Variants in GLUL observed in about 807,000 individuals in gnomAD.
GLUL encodes the protein glutamine synthetase.
GLUL carries 8 observed loss-of-function variants against 36.9 expected under a neutral mutation model. The ratio of observed to expected loss-of-function variants is 0.22; its 90% CI spans 0.13 to 0.39. GLUL has a LOEUF of 0.39. Among genes scored for constraint, GLUL ranks in the 10% least tolerant of loss-of-function variants. The pLI, the probability that GLUL is intolerant of heterozygous loss-of-function variation, is 1.00. For synonymous variants in GLUL, 182 were observed against 172.8 expected (o/e 1.05, Z -0.42); for missense variants, 315 against 501.8 (o/e 0.63, Z 3.56).
chr1:182,388,837 A>G (rs1460497435), intron 1 of GLUL, 87 bp from the exon 2 acceptor site: 1 of 1,008,390 alleles, frequency 9.9e-7, no homozygotes, highest in African/African-American at 1.6e-5. Context: ...GACTGAATCA[A>G]AAGTCAGAGT....
intron 1 of GLUL, chr1:182,390,700 A>C: frequency 2.5e-6 from 1 of 398,940 alleles, no homozygotes; most frequent in African/African-American, 2.1e-5. Context: ...TTAAGGTCTT[A>C]ATCTTGACTC....
rs1406546982 is a variant in GLUL at position 182,380,030 on chromosome 1, G to A, written c.*4375C>T. 1.3e-5 allele frequency among the ~76,000 whole-genome samples: 2 copies of A among 150,938 alleles called. No individual in the cohort carries two copies. Among genetic ancestry groups the A allele is most frequent in the Non-Finnish European group, 3.0e-5 (2 of 67,794 alleles). On this transcript the variant is annotated 3_prime_UTR_variant, in exon 7 of 7. Transcript: ENST00000331872. ...CGGCTAATTTTTTGTATTTAGTAGA[G>A]ACACAGCTTGTTTCACCATATTGGC...
Position 182,387,154 on chromosome 1 carries a change from A to C in GLUL, c.305T>G (p.Phe102Cys), listed in dbSNP as rs377614330. 2 of 1,613,922 alleles carry C rather than the reference A, an allele frequency of 1.2e-6. No homozygotes were observed. Among genetic ancestry groups the C allele is most frequent in the Non-Finnish European group, 1.7e-6 (2 of 1,179,896 alleles). ...ACCTGCAGGCCTTCGATTGTACTTG[A>C]AAACTTCACATAACACCAGCTTGTT... Reference protein sequence around the residue: ...DPNKLVLCEVFKYNRRPAETN... With the variant: ...DPNKLVLCEVCKYNRRPAETN... The change falls in exon 3 of 7, where the codon TTC becomes TGC. Residue 102 changes from phenylalanine (F) to cysteine (C), a missense_variant. Phe to Cys is a radical substitution (Grantham distance 205). Coordinates refer to ENST00000331872, the MANE Select transcript of GLUL (RefSeq NM_001033044.4).
At chr1:182,389,778 A>C (rs1191115298) in intron 1 of GLUL, 1 of 152,264 alleles carries the variant, frequency 6.6e-6, no homozygotes, top group Non-Finnish European at 1.5e-5. Context: ...GACTAGGGCA[A>C]CGTTCTGAAG....
In GLUL at chr1:182,379,486, G is replaced by C. The variant is rs899350051; in HGVS notation, c.*4919C>G. Among the ~76,000 whole-genome samples the C allele has an allele frequency of 2.0e-5, 3 of 152,072 alleles. No individual in the cohort carries two copies. The highest frequency in any genetic ancestry group is 4.4e-5 in the Non-Finnish European group (3 of 68,030). ...GATCCACCTGCCTTGGCCTCCCAAAGTGCTAGGATTACAGGCTTGAGCCAC... is the reference window on the plus strand; with the variant it reads ...GATCCACCTGCCTTGGCCTCCCAAACTGCTAGGATTACAGGCTTGAGCCAC... On this transcript the variant is annotated 3_prime_UTR_variant, in exon 7 of 7. Transcript: ENST00000331872.
rs1650396315 is a variant in GLUL, at chr1:182,391,045, C to T, written c.-14+634G>A. The stretch of plus-strand genomic sequence containing the variant: ...GGGGGCGCAGGCCGTAGGGACTGCG[C>T]GCTGCTGCTGCCTCCGCCCGGACCG... On this transcript the variant is annotated intron_variant, in intron 1 of 6. Transcript: ENST00000331872. The T allele has an allele frequency of 1.3e-5, 5 of 397,112 alleles. No homozygotes were observed. The East Asian group carries it at 1.8e-4, about 14-fold the overall frequency. The allele number at this position is 397,112 out of a possible 1,614,324, so 24.6% of individuals were successfully genotyped here.
Position 182,385,478 on chromosome 1 carries a change from C to A in GLUL, c.682G>T (p.Val228Leu). 6.2e-7 allele frequency: 1 copy of A among 1,614,026 alleles called. No homozygotes were observed. Among genetic ancestry groups the A allele is most frequent in the East Asian group, 2.2e-5 (1 of 44,888 alleles). Residue 228 changes from valine (V) to leucine (L), a missense_variant, in exon 6 of 7, where the codon GTG becomes TTG. Physicochemically the swap from Val to Leu is conservative, Grantham distance 32. Coordinates refer to ENST00000331872, the MANE Select transcript of GLUL (RefSeq NM_001033044.4). ...GCTATCACTCCAAAGTCTTCACACA[C>A]ACGATGCAAGATGAAACGGGCCACC... The part of the protein sequence containing the change: ...LWVARFILHR[V>L]CEDFGVIATF...
Position 182,382,173 on chromosome 1 carries a change from G to A in GLUL, c.*2232C>T, listed in dbSNP as rs564315236. On this transcript the variant is annotated 3_prime_UTR_variant, in exon 7 of 7. Transcript: ENST00000331872. ...TAGTATTAATGCTATTAATAATATT[G>A]CACTCCAATGTGTCCAATAATTGCT... 8 of 152,214 alleles carry A rather than the reference G, an allele frequency of 5.3e-5. No individual in the cohort carries two copies. The South Asian group carries it at 1.7e-3, about 32-fold the overall frequency. The allele number at this position is 152,214 out of a possible 1,614,324, so 9.4% of individuals were successfully genotyped here.
At chr1:182,388,145 G>C (rs1044627051) in intron 2 of GLUL, among the ~76,000 whole-genome samples, 1 of 152,112 alleles carries the variant, frequency 6.6e-6, no homozygotes, top group African/African-American at 2.4e-5. Flanking sequence ...CCATTGTAGA[G>C]CATTTGCTTC....
At position 182,378,755 on chromosome 1, in the gene GLUL, T is replaced by C. The variant is rs527716949; in HGVS notation, c.*5650A>G. On this transcript the variant is annotated 3_prime_UTR_variant, in exon 7 of 7. Coordinates refer to ENST00000331872, the MANE Select transcript of GLUL (RefSeq NM_001033044.4). ...TATATTATGCATGTGTATGGACATA[T>C]ATCTGCATATTGTAAAATGAAATAG... Among the ~76,000 whole-genome samples, 6 of 152,224 alleles carry C rather than the reference T, an allele frequency of 3.9e-5. No homozygotes were observed. Among genetic ancestry groups the C allele is most frequent in the Non-Finnish European group, 8.8e-5 (6 of 68,038 alleles).
chr1:182,385,576 C>T lies in GLUL; in HGVS notation c.604-20G>A. 6.2e-7 allele frequency: 1 copy of T among 1,609,060 alleles called. No individual in the cohort carries two copies. Among genetic ancestry groups the T allele is most frequent in the Non-Finnish European group, 8.5e-7 (1 of 1,175,430 alleles). On this transcript the variant is annotated intron_variant, in intron 5 of 6. Transcript: ENST00000331872. Reference sequence around the variant, plus strand: ...TTCCCACTAGAAACGAGAAGCTTGGCCATTAAAACAAAGCTAACTGCTCAC... The same window carrying T: ...TTCCCACTAGAAACGAGAAGCTTGGTCATTAAAACAAAGCTAACTGCTCAC...
chr1:182,384,508 C>T lies in GLUL; in HGVS notation c.1019G>A (p.Arg340His). 1 of 1,613,986 alleles carries T rather than the reference C, an allele frequency of 6.2e-7. No individual in the cohort carries two copies. The highest frequency in any genetic ancestry group is 8.5e-7 in the Non-Finnish European group (1 of 1,179,908). The change falls in exon 7 of 7, where the codon CGT becomes CAT. Residue 340 changes from arginine to histidine, a missense_variant. Coordinates refer to ENST00000331872, the MANE Select transcript of GLUL (RefSeq NM_001033044.4). The part of the protein sequence containing the change: ...GQEKKGYFED[R>H]RPSANCDPFS... ...GGGGTCGCAGTTGGCAGAGGGGCGACGATCTTCAAAGTAACCCTTCTTCTC... is the reference window on the plus strand; with the variant it reads ...GGGGTCGCAGTTGGCAGAGGGGCGATGATCTTCAAAGTAACCCTTCTTCTC...
rs759986585 is a variant in GLUL, at chr1:182,390,215, ACT to A, written c.-14+1462_-14+1463del. On this transcript the variant is annotated intron_variant, in intron 1 of 6. Coordinates refer to ENST00000331872, the MANE Select transcript of GLUL (RefSeq NM_001033044.4). ...ACTCCAACCTGGGTAACAGATAGAG[ACT>A]CTGTCGGAAAACAAAAAAAAAAAAC... 71 of 246,480 alleles carry A rather than the reference ACT, an allele frequency of 2.9e-4. 1 individual carries two copies. The highest frequency in any genetic ancestry group is 1.1e-3 in the Middle Eastern group (1 of 896). 15.3% of individuals were successfully genotyped at this position (246,480 alleles called of 1,614,324 possible).
chr1:182,387,904 C>A (rs1336530343), intron 2 of GLUL, among the ~76,000 whole-genome samples: 1 of 152,138 alleles, frequency 6.6e-6, no homozygotes, highest in Non-Finnish European at 1.5e-5. Flanking sequence ...ACAATATAGG[C>A]TTTGTATTAT....
rs1345576822 is a variant in GLUL at position 182,383,165 on chromosome 1, GTT to G, written c.*1238_*1239del. On this transcript the variant is annotated 3_prime_UTR_variant, in exon 7 of 7. Transcript: ENST00000331872. ...GACATCAAGATACAAAATTACAAGT[GTT>G]TTGACTCCAGCCCTGTCCCCATCTC... 1 of 152,122 alleles carries G rather than the reference GTT, an allele frequency of 6.6e-6. No homozygotes were observed. Among genetic ancestry groups the G allele is most frequent in the African/African-American group, 2.4e-5 (1 of 41,430 alleles). 9.4% of individuals were successfully genotyped at this position (152,122 alleles called of 1,614,324 possible).
At chr1:182,388,451 G>A (rs1256466504) in intron 2 of GLUL, 121 bp downstream of exon 2, 17 of 867,886 alleles carry the variant, frequency 2.0e-5, no homozygotes, top group Non-Finnish European at 2.7e-5. Flanking sequence ...GAAAAGCCCT[G>A]CCTTAGAAAA....
chr1:182,379,148 A>C lies in GLUL; in HGVS notation c.*5257T>G, dbSNP rs917693618. ...AAAGGCTATAAAATGGCAGGGTTCT[A>C]ATCAGCTCAGATTGTTTTCAGTAGA... On this transcript the variant is annotated 3_prime_UTR_variant, in exon 7 of 7. Coordinates refer to ENST00000331872, the MANE Select transcript of GLUL (RefSeq NM_001033044.4). Among the ~76,000 whole-genome samples the C allele has an allele frequency of 2.0e-5, 3 of 152,138 alleles. No homozygotes were observed. Among genetic ancestry groups the C allele is most frequent in the Admixed American group, 1.3e-4 (2 of 15,268 alleles).
In GLUL at chr1:182,382,097, GGT is replaced by G. The variant is rs1204283372; in HGVS notation, c.*2306_*2307del. 3.3e-5 allele frequency: 5 copies of G among 152,238 alleles called. No homozygotes were observed. In the East Asian group the frequency reaches 9.7e-4, roughly 29 times the overall value. 9.4% of individuals were successfully genotyped at this position (152,238 alleles called of 1,614,324 possible). A position where few individuals can be genotyped will look rare whatever the true frequency, so the allele number is the denominator to read the frequency against. ...TCACAGGCCCCAGCTACCTCGCACT[GGT>G]AAGAGTATACTGCCTTTTAAAAACA... On this transcript the variant is annotated 3_prime_UTR_variant, in exon 7 of 7. Transcript: ENST00000331872.
intron 4 of GLUL, 137 bp from the exon 5 acceptor site, chr1:182,386,024 G>A (rs1453216940): frequency 6.3e-6 from 6 of 955,910 alleles, no homozygotes; most frequent in Non-Finnish European, 1.0e-5. Flanking sequence ...GCAGGGGAGG[G>A]GCAATAGGGG....
Sources: allele counts gnomAD v4.1 joint callset (sites outside exome capture counted in the v4.1 genomes callset), GRCh38; gene constraint gnomAD v4.1.1; transcripts MANE v1.5; gene names NCBI Gene and HGNC (gene_info 2026-07-23, HGNC 2026-07-21).